Variants in RAB18 observed in about 807,000 individuals in gnomAD.
The protein encoded by RAB18 is RAB18, member RAS oncogene family.
RAB18 carries 10 observed loss-of-function variants against 28.5 expected under a neutral mutation model. The ratio of observed to expected loss-of-function variants is 0.35; its 90% CI spans 0.22 to 0.60. RAB18 has a LOEUF of 0.60. Among genes scored for constraint, RAB18 ranks in the 20% least tolerant of loss-of-function variants. The probability of loss-of-function intolerance (pLI) is 0.78; values close to 1 mark genes in which losing one functional copy is unlikely to be tolerated. For synonymous variants in RAB18, 93 were observed against 86.9 expected (o/e 1.07, Z -0.39); for missense variants, 188 against 244.2 (o/e 0.77, Z 1.53).
At chr10:27,509,646 G>A (rs1234288639) in intron 1 of RAB18, among the ~76,000 whole-genome samples, 1 of 152,106 alleles carries the variant, frequency 6.6e-6, no homozygotes, top group African/African-American at 2.4e-5. Context: ...AGGAGAGCAC[G>A]GGGAATATAT....
rs760291529 is a variant in RAB18, at chr10:27,509,868, C to G, written c.69-7C>G. On this transcript the variant is annotated splice_polypyrimidine_tract_variant and splice_region_variant and intron_variant, in intron 1 of 6. Transcript: ENST00000356940. ...TTCCCAACCTGTCTTTTTAATATCTCTTTCAGCCTGCTCTTGAGGTTCACA... is the reference window on the plus strand; with the variant it reads ...TTCCCAACCTGTCTTTTTAATATCTGTTTCAGCCTGCTCTTGAGGTTCACA... 2.5e-6 allele frequency: 4 copies of G among 1,610,468 alleles called. No individual in the cohort carries two copies. The Admixed American group carries it at 6.7e-5, about 27-fold the overall frequency.
intron 4 of RAB18, 70 bp downstream of exon 4, chr10:27,532,649 G>A: frequency 8.2e-7 from 1 of 1,217,222 alleles, no homozygotes; most frequent in South Asian, 1.3e-5. Context: ...GTCTGTGAAA[G>A]TTAATATGTC....
At chr10:27,524,134 T>C (rs1219607494) in intron 2 of RAB18, among the ~76,000 whole-genome samples, 1 of 152,186 alleles carries the variant, frequency 6.6e-6, no homozygotes, top group East Asian at 1.9e-4. Context: ...CTCGCTGTTT[T>C]GCTGGGGCTG....
chr10:27,540,911 C>T lies in RAB18; in HGVS notation c.*2860C>T. On this transcript the variant is annotated 3_prime_UTR_variant, in exon 7 of 7. Coordinates refer to ENST00000356940, the MANE Select transcript of RAB18 (RefSeq NM_021252.5). ...TAGCACCATAGCTCATAAAAGAATCCTTCTTACACCAGTACTTGTTCTGCC... is the reference window on the plus strand; with the variant it reads ...TAGCACCATAGCTCATAAAAGAATCTTTCTTACACCAGTACTTGTTCTGCC... 1 of 454,020 alleles carries T rather than the reference C, an allele frequency of 2.2e-6. No individual in the cohort carries two copies. Among genetic ancestry groups the T allele is most frequent in the Non-Finnish European group, 4.4e-6 (1 of 226,756 alleles). 28.1% of individuals were successfully genotyped at this position (454,020 alleles called of 1,614,324 possible).
chr10:27,514,781 T>G (rs1589566012), intron 2 of RAB18, among the ~76,000 whole-genome samples: 1 of 152,132 alleles, frequency 6.6e-6, no homozygotes, highest in Admixed American at 6.5e-5. Flanking sequence ...TTGTTTTTTT[T>G]TTTCTTTGAG....
At chr10:27,526,657 A>G (rs1834678723) in intron 2 of RAB18, among the ~76,000 whole-genome samples, 171 bp from the exon 3 acceptor site, 1 of 152,238 alleles carries the variant, frequency 6.6e-6, no homozygotes, top group African/African-American at 2.4e-5. Flanking sequence ...ATTAAATCCT[A>G]AGATCCTGGA....
At chr10:27,533,661 C>CT in intron 4 of RAB18, 74 bp from the exon 5 acceptor site, 3 of 1,577,204 alleles carry the variant, frequency 1.9e-6, no homozygotes, top group Non-Finnish European at 1.7e-6. Flanking sequence ...ATGCTAACTC[C>CT]TAGCTACATA....
intron 2 of RAB18, among the ~76,000 whole-genome samples, chr10:27,523,504 G>T (rs913865203): frequency 2.7e-5 from 4 of 150,902 alleles, no homozygotes; most frequent in African/African-American, 9.7e-5. Context: ...CTTTTGGGTA[G>T]TTTCTGTTGC....
At position 27,538,641 on chromosome 10, in the gene RAB18, G is replaced by C. The variant is rs751127454; in HGVS notation, c.*590G>C. 2.2e-6 allele frequency: 1 copy of C among 453,968 alleles called. No homozygotes were observed. The highest frequency in any genetic ancestry group is 1.6e-5 in the South Asian group (1 of 64,462). The allele number at this position is 453,968 out of a possible 1,614,324, so 28.1% of individuals were successfully genotyped here. ...GATGCTTCTAAAACAGCATTGATAG[G>C]TTAAAGAAGCTTGGTATTTTTAATT... is the stretch of plus-strand genomic sequence containing the variant. On this transcript the variant is annotated 3_prime_UTR_variant, in exon 7 of 7. Transcript: ENST00000356940.
intron 3 of RAB18, 54 bp downstream of exon 3, chr10:27,526,943 G>A: frequency 3.9e-6 from 6 of 1,549,094 alleles, no homozygotes; most frequent in South Asian, 3.4e-5. Flanking sequence ...TTTTAAGGAT[G>A]CAGAAATTGA....
In RAB18 at chr10:27,539,845, A is replaced by G. The variant is rs1322577027; in HGVS notation, c.*1794A>G. 15 of 453,822 alleles carry G rather than the reference A, an allele frequency of 3.3e-5. No individual in the cohort carries two copies. Among genetic ancestry groups the G allele is most frequent in the Non-Finnish European group, 6.6e-5 (15 of 226,704 alleles). 28.1% of individuals were successfully genotyped at this position (453,822 alleles called of 1,614,324 possible). A position where few individuals can be genotyped will look rare whatever the true frequency, so the allele number is the denominator to read the frequency against. On this transcript the variant is annotated 3_prime_UTR_variant, in exon 7 of 7. Coordinates refer to ENST00000356940, the MANE Select transcript of RAB18 (RefSeq NM_021252.5). ...CTTTCCCTAGATGCATTTGTGTAGG[A>G]AGTATATACATTTCCCTATTACTCT...
chr10:27,531,446 C>A, intron 3 of RAB18: 1 of 1,470,418 alleles, frequency 6.8e-7, no homozygotes. Flanking sequence ...TCTGCTTGTC[C>A]CATAACAAAC....
chr10:27,541,648 T>C lies in RAB18; in HGVS notation c.*3597T>C, dbSNP rs1386923286. 1.6e-5 allele frequency: 7 copies of C among 447,260 alleles called. No individual in the cohort carries two copies. The highest frequency in any genetic ancestry group is 2.7e-5 in the Non-Finnish European group (6 of 224,590). 27.7% of individuals were successfully genotyped at this position (447,260 alleles called of 1,614,324 possible). On this transcript the variant is annotated 3_prime_UTR_variant, in exon 7 of 7. Transcript: ENST00000356940. The stretch of plus-strand genomic sequence containing the variant: ...GGTTATTTCTTGCTTTTTTTTTTTT[T>C]CCTCTTTTTTAACCGGAGAAGCAAC...
chr10:27,535,758 G>A (rs1834881322), intron 6 of RAB18, among the ~76,000 whole-genome samples: 1 of 152,136 alleles, frequency 6.6e-6, no homozygotes, highest in African/African-American at 2.4e-5. Context: ...ATAGCTGACA[G>A]GATTTGTGGG....
chr10:27,530,605 A>C (rs1834768854), intron 3 of RAB18, among the ~76,000 whole-genome samples: 1 of 151,946 alleles, frequency 6.6e-6, no homozygotes, highest in Non-Finnish European at 1.5e-5. Flanking sequence ...TGTCATTTAA[A>C]AATATACATT....
intron 1 of RAB18, among the ~76,000 whole-genome samples, chr10:27,508,260 A>G (rs1026605529): frequency 6.6e-6 from 1 of 152,180 alleles, no homozygotes; most frequent in Non-Finnish European, 1.5e-5. Flanking sequence ...CATGCCACCA[A>G]TTCCCTGCCT....
Position 27,504,336 on chromosome 10 carries a change from C to G in RAB18, c.-34C>G, listed in dbSNP as rs41282844. ...TGAAGGGCTGAGAGGCGCACCCGGG[C>G]GGCCAGCTGGGCTCGGAGCGGAACG... On this transcript the variant is annotated 5_prime_UTR_variant, in exon 1 of 7. Coordinates refer to ENST00000356940, the MANE Select transcript of RAB18 (RefSeq NM_021252.5). 6.4e-7 allele frequency: 1 copy of G among 1,559,918 alleles called. No individual in the cohort carries two copies.
intron 1 of RAB18, among the ~76,000 whole-genome samples, chr10:27,508,439 T>A (rs1589559254): frequency 6.6e-6 from 1 of 152,194 alleles, no homozygotes; most frequent in African/African-American, 2.4e-5. Context: ...TACAAGGTAA[T>A]CTTATGTTTT....
intron 4 of RAB18, among the ~76,000 whole-genome samples, chr10:27,533,328 A>C (rs1480070128): frequency 1.3e-5 from 2 of 152,022 alleles, no homozygotes; most frequent in Admixed American, 6.5e-5. Context: ...GTAATAAACA[A>C]ATTAATGGGG....
Sources: gnomAD v4.1 joint callset for allele counts (sites outside exome capture counted in the v4.1 genomes callset) on GRCh38, gnomAD v4.1.1 for gene constraint, MANE v1.5 for transcripts, NCBI Gene and HGNC (gene_info 2026-07-23, HGNC 2026-07-21) for gene names.